Variants in CIITA observed in about 807,000 individuals in gnomAD.
CIITA encodes MHC class II transactivator.
CIITA carries 72 observed loss-of-function variants against 115.1 expected under a neutral mutation model. The observed-to-expected ratio is 0.63, with a 90% CI of 0.52 to 0.76. The LOEUF (loss-of-function observed/expected upper bound fraction) is 0.76. Ranked by LOEUF, CIITA falls within the 30% of genes least tolerant of loss-of-function variation. CIITA has a pLI of 0.00. For synonymous variants in CIITA, 763 were observed against 635.6 expected (o/e 1.20, Z -3.02); for missense variants, 1,617 against 1,463.8 (o/e 1.10, Z -1.71).
intron 16 of CIITA, 27 bp downstream of exon 16, chr16:10,918,553 G>C (rs1567443929): frequency 6.2e-7 from 1 of 1,604,698 alleles, no homozygotes. Flanking sequence ...ATACCGGTCA[G>C]GTGCTGAGCT....
chr16:10,940,880 G>T (rs2041093416), downstream of CIITA: 1 of 152,296 alleles, frequency 6.6e-6, no homozygotes, highest in African/African-American at 2.4e-5. The surrounding 1 kb of genome is among the most constrained non-coding windows in gnomAD (Gnocchi z 4.2). Flanking sequence ...TGCAGACAAA[G>T]CGAGCCCTGG....
Position 10,907,041 on chromosome 16 carries a change from C to A in CIITA, c.1549C>A (p.Pro517Thr), listed in dbSNP as rs1385127443. 2 of 1,607,168 alleles carry A rather than the reference C, an allele frequency of 1.2e-6. No homozygotes were observed. Residue 517 changes from proline (P) to threonine (T), a missense_variant, in exon 11 of 20, where the codon CCG (proline) becomes ACG (threonine). Coordinates refer to ENST00000324288, the MANE Select transcript of CIITA (RefSeq NM_000246.4). This position sits in a 1 kb window ranked among gnomAD's most constrained non-coding sequence, Gnocchi z 5.0. ...TGGCTTCCTGCACAGCACGTGCGGA[C>A]CGGCACCGGCGGAGCCCTGCTCCCT... ...QDGFLHSTCGPAPAEPCSLRG... is the reference protein window; with the variant it reads ...QDGFLHSTCGTAPAEPCSLRG...
Position 10,907,929 on chromosome 16 carries a change from GC to G in CIITA, c.2440del (p.His814ThrfsTer76). 1 of 1,563,988 alleles carries G rather than the reference GC, an allele frequency of 6.4e-7. No homozygotes were observed. Among genetic ancestry groups the G allele is most frequent in the South Asian group, 1.2e-5 (1 of 81,932 alleles). ...GCAGCTGCTGGAGCTGCTGCACTGCGCCCACGAGGCCGAGGAGGCTGGAATT... is the reference window on the plus strand; with the variant it reads ...GCAGCTGCTGGAGCTGCTGCACTGCGCCACGAGGCCGAGGAGGCTGGAATT... ...ARQLLELLHC[A>X]HEAEEAGIWQ... On this transcript the variant is annotated frameshift_variant, in exon 11 of 20. Coordinates refer to ENST00000324288, the MANE Select transcript of CIITA (RefSeq NM_000246.4). LOFTEE classifies it high-confidence loss of function. This position sits in a 1 kb window ranked among gnomAD's most constrained non-coding sequence, Gnocchi z 5.0.
chr16:10,877,741 CG>C (rs1398889093), intron 1 of CIITA, among the ~76,000 whole-genome samples: 1 of 152,280 alleles, frequency 6.6e-6, no homozygotes, highest in African/African-American at 2.4e-5. Flanking sequence ...CTCTGCAGGA[CG>C]GGACCTCTGC....
chr16:10,902,699 G>A lies in CIITA; in HGVS notation c.670G>A (p.Glu224Lys). The A allele has an allele frequency of 1.2e-6, 2 of 1,614,214 alleles. No individual in the cohort carries two copies. ...SSSLSCLNLP[E>K]GPIQFVPTIS... ...CTCGTTGAGCTGCCTGAATCTCCCT[G>A]AGGGACCCATCCAGTTTGTCCCCAC... The change falls in exon 8 of 20, where the codon GAG (glutamate) becomes AAG (lysine). Residue 224 changes from glutamate (E) to lysine (K), a missense_variant. Glu to Lys is a moderately conservative substitution (Grantham distance 56). Transcript: ENST00000324288.
chr16:10,883,467 T>G (rs1210831577), intron 1 of CIITA, among the ~76,000 whole-genome samples: 1 of 152,162 alleles, frequency 6.6e-6, no homozygotes, highest in Non-Finnish European at 1.5e-5. Context: ...CACAATAACT[T>G]TACCCTTTAC....
At chr16:10,916,324 C>A in intron 14 of CIITA, 43 bp from the exon 15 acceptor site, 1 of 1,592,590 alleles carries the variant, frequency 6.3e-7, no homozygotes, top group Non-Finnish European at 8.6e-7. Flanking sequence ...GTCAGATGGC[C>A]CCAGGACGCT....
intron 1 of CIITA, among the ~76,000 whole-genome samples, chr16:10,867,326 G>C (rs952944722): frequency 2.0e-5 from 3 of 151,562 alleles, no homozygotes; most frequent in East Asian, 3.9e-4. Flanking sequence ...TGTGTGTTGG[G>C]GGGGGGCATG....
At chr16:10,895,898 C>G in intron 3 of CIITA, 134 bp downstream of exon 3, 1 of 898,224 alleles carries the variant, frequency 1.1e-6, no homozygotes, top group Non-Finnish European at 1.8e-6. Flanking sequence ...GGATGCGGAG[C>G]AATGGCTGGA....
In CIITA at chr16:10,907,732, A is replaced by G. The variant is rs767136919; in HGVS notation, c.2240A>G (p.Tyr747Cys). 5 of 1,614,230 alleles carry G rather than the reference A, an allele frequency of 3.1e-6. No homozygotes were observed. The highest frequency in any genetic ancestry group is 3.3e-5 in the Admixed American group (2 of 60,032). The change falls in exon 11 of 20, where the codon TAT becomes TGT. Residue 747 changes from tyrosine to cysteine, a missense_variant. By Grantham distance (194) the Tyr-to-Cys change is radical (BLOSUM62 -2). Coordinates refer to ENST00000324288, the MANE Select transcript of CIITA (RefSeq NM_000246.4). The surrounding 1 kb of genome is among the most constrained non-coding windows in gnomAD (Gnocchi z 5.0). ...LALTPRKKRP[Y>C]DNWLEGVPRF... ...TTGACCCCAAGGAAGAAGAGGCCCT[A>G]TGACAACTGGCTGGAGGGCGTGCCA...
chr16:10,904,025 G>T, intron 9 of CIITA, 130 bp downstream of exon 9: 1 of 1,193,534 alleles, frequency 8.4e-7, no homozygotes, highest in Admixed American at 1.9e-5. Flanking sequence ...GGGTCAGTCG[G>T]GACAGGGAGG....
At chr16:10,938,785 G>A (rs544550679), downstream of CIITA, 3 of 152,298 alleles carry the variant, frequency 2.0e-5, no homozygotes, top group African/African-American at 7.2e-5. This position sits in a 1 kb window ranked among gnomAD's most constrained non-coding sequence, Gnocchi z 4.9. Context: ...CTGACACCCC[G>A]AGAGCTTTGC....
chr16:10,879,170 G>T lies in CIITA; in HGVS notation c.52+1788G>T, dbSNP rs1228713298. On this transcript the variant is annotated intron_variant, in intron 1 of 19. Transcript: ENST00000324288. This position sits in a 1 kb window ranked among gnomAD's most constrained non-coding sequence, Gnocchi z 4.3. ...GATGGGGGGATGGAATATGCAAAAT[G>T]TAGGGCCGGGAAACACCTCGTTTCC... The T allele has an allele frequency of 5.6e-6, 1 of 178,788 alleles. No homozygotes were observed. Among genetic ancestry groups the T allele is most frequent in the African/African-American group, 2.4e-5 (1 of 42,270 alleles). The allele number at this position is 178,788 out of a possible 1,614,324, so 11.1% of individuals were successfully genotyped here.
chr16:10,892,615 G>A (rs2037710318), intron 1 of CIITA, among the ~76,000 whole-genome samples: 1 of 152,188 alleles, frequency 6.6e-6, no homozygotes, highest in African/African-American at 2.4e-5. Context: ...GACTTTATTT[G>A]GGAAAAGGGT....
Position 10,897,783 on chromosome 16 carries a change from C to T in CIITA, c.296-887C>T, listed in dbSNP as rs149180094. 8.5e-4 allele frequency among the ~76,000 whole-genome samples: 127 copies of T among 149,626 alleles called. 1 individual carries two copies. Among genetic ancestry groups the T allele is most frequent in the African/African-American group, 2.9e-3 (113 of 39,046 alleles). ...TAGATGTTAGGTACTACCCCACAAC[C>T]ACCGTTATCATTATTATCACCATCA... is the stretch of plus-strand genomic sequence containing the variant. On this transcript the variant is annotated intron_variant, in intron 3 of 19. Coordinates refer to ENST00000324288, the MANE Select transcript of CIITA (RefSeq NM_000246.4).
chr16:10,882,837 C>T (rs370586371), intron 1 of CIITA, among the ~76,000 whole-genome samples: 9 of 151,486 alleles, frequency 5.9e-5, no homozygotes, highest in Non-Finnish European at 1.3e-4. Flanking sequence ...GCGGAGATTG[C>T]GGTGAGCCGA....
In CIITA at chr16:10,942,343, G is replaced by T; in HGVS notation, n.1469G>T. 1 of 244,926 alleles carries T rather than the reference G, an allele frequency of 4.1e-6. No individual in the cohort carries two copies. Among genetic ancestry groups the T allele is most frequent in the South Asian group, 4.6e-5 (1 of 21,768 alleles). The allele number at this position is 244,926 out of a possible 1,614,324, so 15.2% of individuals were successfully genotyped here. A position where few individuals can be genotyped will look rare whatever the true frequency, so the allele number is the denominator to read the frequency against. On this transcript the variant is annotated non_coding_transcript_exon_variant, in exon 2 of 2. Coordinates refer to the CIITA transcript ENST00000573379. This position sits in a 1 kb window ranked among gnomAD's most constrained non-coding sequence, Gnocchi z 5.0. Reference sequence around the variant, plus strand: ...CCGGTGGGGATCCCACCGCGGCTCAGTGTCTAGGGCCGGTCCCGGCAGCCT... The same window carrying T: ...CCGGTGGGGATCCCACCGCGGCTCATTGTCTAGGGCCGGTCCCGGCAGCCT...
Position 10,930,508 on chromosome 16 carries a change from C to T in CIITA, c.*6653C>T, listed in dbSNP as rs1323737555. The T allele has an allele frequency of 6.6e-6, 1 of 152,142 alleles. No homozygotes were observed. The highest frequency in any genetic ancestry group is 2.4e-5 in the African/African-American group (1 of 41,414). The allele number at this position is 152,142 out of a possible 1,614,324, so 9.4% of individuals were successfully genotyped here. On this transcript the variant is annotated 3_prime_UTR_variant, in exon 20 of 20. Coordinates refer to ENST00000324288, the MANE Select transcript of CIITA (RefSeq NM_000246.4). ...GGAACTGTTTCCATTGAGACCCATG[C>T]ATCGTATAGGATAAGAAACTGAGGT...
At chr16:10,915,476 C>A (rs2039888149) in intron 13 of CIITA, 94 bp from the exon 14 acceptor site, 2 of 982,370 alleles carry the variant, frequency 2.0e-6, no homozygotes, top group Non-Finnish European at 3.3e-6. Context: ...TCAGACAGGA[C>A]CTGACTTCTG....
Sources: allele counts gnomAD v4.1 joint callset (sites outside exome capture counted in the v4.1 genomes callset), GRCh38; gene constraint gnomAD v4.1.1; non-coding constraint Gnocchi (gnomAD v3.1); transcripts MANE v1.5; gene names NCBI Gene and HGNC (gene_info 2026-07-23, HGNC 2026-07-21).